Variants in RBFOX1 observed in about 807,000 individuals in gnomAD.
RBFOX1 encodes RNA binding fox-1 homolog 1.
A neutral mutation model predicts 57.7 loss-of-function variants in RBFOX1; 8 were observed. The observed-to-expected ratio is 0.14, with a 90% CI of 0.08 to 0.25. The LOEUF (loss-of-function observed/expected upper bound fraction) is 0.25, where lower values mean the gene tolerates loss of function less well. Ranked by LOEUF, RBFOX1 falls within the 10% of genes least tolerant of loss-of-function variation. The probability of loss-of-function intolerance (pLI) is 1.00; values close to 1 mark genes in which losing one functional copy is unlikely to be tolerated. For synonymous variants in RBFOX1, 326 were observed against 222.4 expected (o/e 1.47, Z -4.15); for missense variants, 611 against 548.5 (o/e 1.11, Z -1.14).
At chr16:6,972,919 T>C (rs1188550692) in intron 3 of RBFOX1, among the ~76,000 whole-genome samples, 1 of 151,810 alleles carries the variant, frequency 6.6e-6, no homozygotes, top group African/African-American at 2.4e-5. Flanking sequence ...AGGTCAGGAG[T>C]TCGAGGCCAA....
At chr16:6,036,961 A>G (rs1183993346) in intron 1 of RBFOX1, among the ~76,000 whole-genome samples, 1 of 152,058 alleles carries the variant, frequency 6.6e-6, no homozygotes, top group Admixed American at 6.6e-5. Flanking sequence ...CAGCCCAACC[A>G]CTTCACCTGT....
intron 3 of RBFOX1, among the ~76,000 whole-genome samples, chr16:6,681,367 C>T (rs1166833420): frequency 1.3e-5 from 2 of 152,130 alleles, no homozygotes; most frequent in African/African-American, 2.4e-5. Flanking sequence ...TAAGTCTTTG[C>T]TACCTTGGTT....
chr16:5,502,817 C>T (rs145184766), intron 2 of RBFOX1, among the ~76,000 whole-genome samples: 396 of 152,266 alleles, frequency 2.6e-3, no homozygotes, highest in African/African-American at 9.2e-3. Flanking sequence ...CAGACTCTTC[C>T]GCGTCTCAGG....
At chr16:7,293,132 T>A (rs1312552546) in intron 4 of RBFOX1, among the ~76,000 whole-genome samples, 1 of 152,170 alleles carries the variant, frequency 6.6e-6, no homozygotes, top group East Asian at 1.9e-4. Flanking sequence ...GGGTTCTGCA[T>A]CCATAGATTC....
At chr16:7,182,280 G>C in intron 4 of RBFOX1, among the ~76,000 whole-genome samples, 1 of 152,058 alleles carries the variant, frequency 6.6e-6, no homozygotes, top group East Asian at 1.9e-4. Flanking sequence ...CCTCTATAGG[G>C]ATGTGAGGTT....
chr16:5,499,610 T>C lies in RBFOX1; in HGVS notation c.258+32356T>C, dbSNP rs1212782261. On this transcript the variant is annotated intron_variant, in intron 2 of 2. Coordinates refer to the RBFOX1 transcript ENST00000585867. ...TTTTTTGAGGCTGAGTCTCGCTGTA[T>C]CGTCCAGGCTGGAGTACCGTGGTGT... 9.9e-5 allele frequency among the ~76,000 whole-genome samples: 15 copies of C among 152,168 alleles called. No homozygotes were observed. The East Asian group carries it at 2.5e-3, about 25-fold the overall frequency.
rs141039736 is a variant in RBFOX1, at chr16:6,255,627, A to C, written c.-126-61368A>C. On this transcript the variant is annotated intron_variant, in intron 1 of 15. Transcript: ENST00000550418. ...TGTCAGTTTTCAAAGTCCACAGAGAAGTGGTGCCTGTGGTCAACCTGGAAG... is the reference window on the plus strand; with the variant it reads ...TGTCAGTTTTCAAAGTCCACAGAGACGTGGTGCCTGTGGTCAACCTGGAAG... Among the ~76,000 whole-genome samples the C allele has an allele frequency of 7.5e-3, 1,137 of 152,264 alleles. 7 individuals are homozygous for C. The highest frequency in any genetic ancestry group is 0.017 in the Middle Eastern group (5 of 294).
chr16:5,279,230 ATTTG>A (rs1266394471), intron 1 of RBFOX1, among the ~76,000 whole-genome samples: 5 of 151,714 alleles, frequency 3.3e-5, no homozygotes, highest in Admixed American at 1.3e-4. Flanking sequence ...ATGCTTTTCC[ATTTG>A]TTTGTGTCCT....
intron 3 of RBFOX1, among the ~76,000 whole-genome samples, chr16:6,669,988 G>A (rs970005684): frequency 6.6e-6 from 1 of 152,100 alleles, no homozygotes; most frequent in Non-Finnish European, 1.5e-5. Context: ...CTTACAGTAA[G>A]GAAAATCTAT....
intron 2 of RBFOX1, among the ~76,000 whole-genome samples, chr16:6,327,563 G>T (rs1412584755): frequency 6.6e-6 from 1 of 152,034 alleles, no homozygotes; most frequent in Non-Finnish European, 1.5e-5. Flanking sequence ...CCATAATGAG[G>T]ACTCAGATTA....
intron 2 of RBFOX1, among the ~76,000 whole-genome samples, chr16:6,492,134 G>T (rs1261002685): frequency 6.6e-6 from 1 of 152,054 alleles, no homozygotes; most frequent in African/African-American, 2.4e-5. Flanking sequence ...GTGTGTGTGC[G>T]GGCGTGTGAA....
intron 3 of RBFOX1, among the ~76,000 whole-genome samples, chr16:6,674,505 A>C (rs1224319989): frequency 6.6e-6 from 1 of 152,052 alleles, no homozygotes; most frequent in Non-Finnish European, 1.5e-5. Context: ...TATTTTTAGT[A>C]GAGACGGGGT....
chr16:6,803,202 A>T (rs921615559), intron 3 of RBFOX1, among the ~76,000 whole-genome samples: 3 of 152,164 alleles, frequency 2.0e-5, no homozygotes, highest in Non-Finnish European at 4.4e-5. Flanking sequence ...AAAATAGTCG[A>T]AAATGTTCAC....
intron 2 of RBFOX1, among the ~76,000 whole-genome samples, chr16:6,626,962 A>T (rs150355574): frequency 2.4e-3 from 372 of 152,282 alleles, no homozygotes; most frequent in Middle Eastern, 0.014. Context: ...AACTATTATT[A>T]TCCTCCATGC....
intron 4 of RBFOX1, among the ~76,000 whole-genome samples, chr16:5,945,004 AG>A (rs1213704085): frequency 3.9e-4 from 56 of 143,236 alleles, no homozygotes; most frequent in Non-Finnish European, 6.4e-4. Flanking sequence ...AGAGAGAGAG[AG>A]AAAGAGAGAG....
chr16:6,685,276 T>TC (rs1012781677), intron 3 of RBFOX1, among the ~76,000 whole-genome samples: 12 of 102,186 alleles, frequency 1.2e-4, no homozygotes, highest in South Asian at 3.4e-4. Context: ...AGTTTTTCTT[T>TC]TTTTTTTTTT....
intron 2 of RBFOX1, among the ~76,000 whole-genome samples, chr16:5,530,856 G>C (rs2044438587): frequency 6.8e-6 from 1 of 146,382 alleles, no homozygotes; most frequent in South Asian, 2.2e-4. Flanking sequence ...GGGAGGCCTA[G>C]GTGGGCGGAT....
chr16:7,002,613 G>C (rs921230063), intron 3 of RBFOX1, among the ~76,000 whole-genome samples: 1 of 152,202 alleles, frequency 6.6e-6, no homozygotes, highest in Admixed American at 6.5e-5. Context: ...TCGGGAGGCT[G>C]AGGCAGGAGA....
At chr16:6,870,956 C>G (rs189548440) in intron 3 of RBFOX1, among the ~76,000 whole-genome samples, 3 of 152,138 alleles carry the variant, frequency 2.0e-5, no homozygotes, top group African/African-American at 7.2e-5. Context: ...GTCCATATTC[C>G]TGTAGACCTG....
Sources: gnomAD v4.1 joint callset for allele counts (sites outside exome capture counted in the v4.1 genomes callset) on GRCh38, gnomAD v4.1.1 for gene constraint, MANE v1.5 for transcripts, NCBI Gene and HGNC (gene_info 2026-07-23, HGNC 2026-07-21) for gene names.